Variants in SEMA6D observed in about 807,000 individuals in gnomAD.
The protein encoded by SEMA6D is semaphorin 6D.
SEMA6D carries 35 observed loss-of-function variants against 106.6 expected under a neutral mutation model. The observed-to-expected ratio is 0.33, with a 90% CI of 0.25 to 0.44. The LOEUF (loss-of-function observed/expected upper bound fraction) is 0.44, where lower values mean the gene tolerates loss of function less well. Ranked by LOEUF, SEMA6D falls within the 20% of genes least tolerant of loss-of-function variation. SEMA6D has a pLI of 1.00. For missense variants in SEMA6D, 1,185 were observed against 1,345.9 expected, an observed-to-expected ratio of 0.88 and a Z score of 1.87; for synonymous variants, 499 against 487.7, an observed-to-expected ratio of 1.02 and a Z score of -0.31.
intron 1 of SEMA6D, among the ~76,000 whole-genome samples, chr15:47,326,311 C>A (rs1392824284): frequency 6.6e-6 from 1 of 152,162 alleles, no homozygotes; most frequent in Admixed American, 6.5e-5. Context: ...AATGACTGTG[C>A]TTTTAACAAG....
At chr15:47,765,614 G>A in intron 13 of SEMA6D, 1 of 536,464 alleles carries the variant, frequency 1.9e-6, no homozygotes, top group Non-Finnish European at 2.7e-6. Context: ...GTCAAATGTG[G>A]CCTTCGCAAA....
At chr15:47,418,562 G>C (rs552048791) in intron 2 of SEMA6D, among the ~76,000 whole-genome samples, 1 of 152,092 alleles carries the variant, frequency 6.6e-6, no homozygotes, top group African/African-American at 2.4e-5. Flanking sequence ...ATTTTTGAGG[G>C]CTATACCCTC....
intron 1 of SEMA6D, among the ~76,000 whole-genome samples, chr15:47,312,339 C>T (rs2036484391): frequency 6.6e-6 from 1 of 152,138 alleles, no homozygotes; most frequent in African/African-American, 2.4e-5. Context: ...TATTCCACTG[C>T]ATATATGATT....
At chr15:47,680,444 T>G (rs1286037011) in intron 4 of SEMA6D, among the ~76,000 whole-genome samples, 1 of 152,202 alleles carries the variant, frequency 6.6e-6, no homozygotes, top group Non-Finnish European at 1.5e-5. Context: ...ATGAATTTAT[T>G]ATTATACAAG....
At chr15:47,212,657 G>A (rs34480933) in intron 1 of SEMA6D, among the ~76,000 whole-genome samples, 2 of 151,920 alleles carry the variant, frequency 1.3e-5, no homozygotes, top group African/African-American at 4.8e-5. Flanking sequence ...CACATTTTCT[G>A]TTTGCTGTCC....
intron 1 of SEMA6D, among the ~76,000 whole-genome samples, chr15:47,273,691 A>G (rs1000926092): frequency 2.6e-5 from 4 of 152,206 alleles, no homozygotes; most frequent in African/African-American, 9.6e-5. Context: ...AGTGAATGTT[A>G]TGTTTCCTAA....
intron 4 of SEMA6D, among the ~76,000 whole-genome samples, chr15:47,614,779 G>C (rs1302433692): frequency 2.0e-5 from 3 of 152,178 alleles, no homozygotes; most frequent in Non-Finnish European, 4.4e-5. Flanking sequence ...TTCTGGGCTT[G>C]AATTTAGACT....
chr15:47,430,766 C>G (rs921391199), intron 2 of SEMA6D, among the ~76,000 whole-genome samples: 4 of 152,086 alleles, frequency 2.6e-5, no homozygotes, highest in Non-Finnish European at 5.9e-5. Flanking sequence ...GGAGAAACTA[C>G]CAAGACCAAG....
At chr15:47,621,880 A>G (rs1419920423) in intron 4 of SEMA6D, among the ~76,000 whole-genome samples, 1 of 152,228 alleles carries the variant, frequency 6.6e-6, no homozygotes, top group Admixed American at 6.5e-5. Flanking sequence ...CTTTGTAAGC[A>G]TGAAGTGTCT....
intron 1 of SEMA6D, among the ~76,000 whole-genome samples, chr15:47,302,780 G>T (rs1254419715): frequency 2.0e-5 from 3 of 152,164 alleles, no homozygotes; most frequent in African/African-American, 7.2e-5. Flanking sequence ...GCAAGAAAAT[G>T]GATCCTACAG....
intron 1 of SEMA6D, among the ~76,000 whole-genome samples, chr15:47,348,727 C>CCACACACACAGAG (rs1555425939): frequency 3.5e-5 from 2 of 57,120 alleles, no homozygotes; most frequent in Admixed American, 2.4e-4. Context: ...ACCACACACA[C>CCACACACACAGAG]AGAGAGAGAG....
In SEMA6D at chr15:47,588,494, G is replaced by A. The variant is rs7168595; in HGVS notation, c.-86-12371G>A. ...TTGTAAGCCATGCTCCTCAGACTCC[G>A]TAAAAAAAGAGTCATTACTTGGAGA... On this transcript the variant is annotated intron_variant, in intron 3 of 19. Transcript: ENST00000558014. Among the ~76,000 whole-genome samples, 1,311 of 152,124 alleles carry A rather than the reference G, an allele frequency of 8.6e-3. 20 individuals carry two copies. The highest frequency in any genetic ancestry group is 0.03 in the African/African-American group (1,241 of 41,506).
rs1035506512 is a variant in SEMA6D, at chr15:47,661,923, C to T, written c.-55+61027C>T. Among the ~76,000 whole-genome samples the T allele has an allele frequency of 2.0e-5, 3 of 152,178 alleles. No homozygotes were observed. The South Asian group carries it at 6.2e-4, about 31-fold the overall frequency. ...CTTGCACAGATCACTGTTGAAACTGCTCAGTTGCTTCATTTCATTTCTGGC... is the reference window on the plus strand; with the variant it reads ...CTTGCACAGATCACTGTTGAAACTGTTCAGTTGCTTCATTTCATTTCTGGC... On this transcript the variant is annotated intron_variant, in intron 4 of 19. Transcript: ENST00000558014.
intron 4 of SEMA6D, among the ~76,000 whole-genome samples, chr15:47,655,989 C>T (rs1292440041): frequency 6.6e-6 from 1 of 152,224 alleles, no homozygotes; most frequent in African/African-American, 2.4e-5. Flanking sequence ...ACTGTAAACA[C>T]ATGTCCTTTC....
intron 3 of SEMA6D, among the ~76,000 whole-genome samples, chr15:47,527,006 G>A (rs913868033): frequency 2.6e-5 from 4 of 152,122 alleles, no homozygotes; most frequent in African/African-American, 9.7e-5. Context: ...CAAAGTGCTG[G>A]GGTTACAGGC....
chr15:47,265,134 C>G (rs2034258866), intron 1 of SEMA6D, among the ~76,000 whole-genome samples: 1 of 151,916 alleles, frequency 6.6e-6, no homozygotes, highest in South Asian at 2.1e-4. Flanking sequence ...AAGGAGTTAG[C>G]TGGGATGTGT....
intron 2 of SEMA6D, among the ~76,000 whole-genome samples, chr15:47,445,892 G>T (rs566038035): frequency 6.6e-6 from 1 of 152,058 alleles, no homozygotes; most frequent in East Asian, 1.9e-4. Flanking sequence ...CACCTCGGAC[G>T]CAGTTACATC....
At chr15:47,586,777 C>T (rs2076347533) in intron 3 of SEMA6D, among the ~76,000 whole-genome samples, 2 of 152,060 alleles carry the variant, frequency 1.3e-5, no homozygotes, top group East Asian at 1.9e-4. Flanking sequence ...GTTCCACCCC[C>T]CACCCCACCC....
chr15:47,581,052 A>C (rs2076246174), intron 3 of SEMA6D, among the ~76,000 whole-genome samples: 1 of 152,126 alleles, frequency 6.6e-6, no homozygotes, highest in Non-Finnish European at 1.5e-5. Context: ...TTTTCACATA[A>C]TCCTTGTTCT....
Sources: gnomAD v4.1 joint callset for allele counts (sites outside exome capture counted in the v4.1 genomes callset) on GRCh38, gnomAD v4.1.1 for gene constraint, MANE v1.5 for transcripts, NCBI Gene and HGNC (gene_info 2026-07-23, HGNC 2026-07-21) for gene names.